The following NLGN1 variants were observed in gnomAD, a reference collection of about 807,000 sequenced individuals.
NLGN1 encodes neuroligin-1.
NLGN1 carries 12 observed loss-of-function variants against 65.5 expected under a neutral mutation model. The ratio of observed to expected loss-of-function variants is 0.18; its 90% CI spans 0.12 to 0.30. The LOEUF (loss-of-function observed/expected upper bound fraction) is 0.30, where lower values mean the gene tolerates loss of function less well. Among genes scored for constraint, NLGN1 ranks in the 10% least tolerant of loss-of-function variants. NLGN1 has a pLI of 1.00. For missense variants in NLGN1, 750 were observed against 1,007.1 expected, an observed-to-expected ratio of 0.74 and a Z score of 3.46; for synonymous variants, 350 against 359.5, an observed-to-expected ratio of 0.97 and a Z score of 0.30.
intron 2 of NLGN1, among the ~76,000 whole-genome samples, chr3:173,600,000 G>C (rs1244907946): frequency 2.6e-5 from 4 of 151,762 alleles, no homozygotes; most frequent in African/African-American, 9.7e-5. Flanking sequence ...GGGATCAATT[G>C]GGGGGCATTT....
chr3:173,930,608 A>T (rs1743917056), intron 4 of NLGN1, among the ~76,000 whole-genome samples: 2 of 152,340 alleles, frequency 1.3e-5, no homozygotes, highest in South Asian at 2.1e-4. Context: ...CTAAGAAAGA[A>T]GGATAGAGTT....
chr3:173,969,119 T>C (rs1289316809), intron 4 of NLGN1, among the ~76,000 whole-genome samples: 2 of 152,154 alleles, frequency 1.3e-5, no homozygotes, highest in Non-Finnish European at 2.9e-5. Flanking sequence ...TGTTTATTTT[T>C]ATATTTTACT....
At chr3:174,018,288 G>A (rs965988378) in intron 4 of NLGN1, among the ~76,000 whole-genome samples, 1 of 151,872 alleles carries the variant, frequency 6.6e-6, no homozygotes, top group Non-Finnish European at 1.5e-5. Flanking sequence ...TGCAGTTAAC[G>A]CAATCATCAC....
At chr3:173,991,207 G>A (rs1246203573) in intron 4 of NLGN1, among the ~76,000 whole-genome samples, 2 of 152,002 alleles carry the variant, frequency 1.3e-5, no homozygotes, top group African/African-American at 4.8e-5. Context: ...TGTGCCACCT[G>A]TTTACCCCTT....
intron 2 of NLGN1, among the ~76,000 whole-genome samples, chr3:173,533,334 C>G (rs1416384222): frequency 1.3e-5 from 2 of 152,152 alleles, no homozygotes; most frequent in Non-Finnish European, 2.9e-5. Context: ...CTTCAGAATT[C>G]TACAGAGATG....
At chr3:173,882,992 T>A (rs922608833) in intron 4 of NLGN1, among the ~76,000 whole-genome samples, 1 of 144,890 alleles carries the variant, frequency 6.9e-6, no homozygotes, top group African/African-American at 2.6e-5. Flanking sequence ...GATTTTAATA[T>A]TGCTGTTTCA....
intron 2 of NLGN1, among the ~76,000 whole-genome samples, chr3:173,541,467 T>C (rs1738849005): frequency 6.6e-6 from 1 of 152,146 alleles, no homozygotes; most frequent in African/African-American, 2.4e-5. Context: ...TTTCTTATTC[T>C]ATAAAATGGG....
chr3:173,909,361 A>T (rs1004673305), intron 4 of NLGN1, among the ~76,000 whole-genome samples: 1 of 152,144 alleles, frequency 6.6e-6, no homozygotes, highest in Non-Finnish European at 1.5e-5. Flanking sequence ...ATTCTTTATC[A>T]TAGGACTTTC....
At chr3:174,136,376 A>C (rs1463986090) in intron 4 of NLGN1, 1 of 152,166 alleles carries the variant, frequency 6.6e-6, no homozygotes, top group Non-Finnish European at 1.5e-5. Flanking sequence ...GATACGCTTC[A>C]GTATTATTAA....
At position 173,977,392 on chromosome 3, in the gene NLGN1, A is replaced by G. The variant is rs1034248408; in HGVS notation, c.646+169560A>G. Among the ~76,000 whole-genome samples the G allele has an allele frequency of 5.9e-5, 9 of 152,084 alleles. No individual in the cohort carries two copies. The South Asian group carries it at 1.9e-3, about 32-fold the overall frequency. Reference sequence around the variant, plus strand: ...AGGGATCATGGCGAAGGACAGACAAAAGACAAGTGTAATTGTAGGTAGAGT... The same window carrying G: ...AGGGATCATGGCGAAGGACAGACAAGAGACAAGTGTAATTGTAGGTAGAGT... On this transcript the variant is annotated intron_variant, in intron 4 of 6. Transcript: ENST00000457714.
At chr3:174,159,769 C>T (rs2152718159) in intron 4 of NLGN1, among the ~76,000 whole-genome samples, 1 of 151,846 alleles carries the variant, frequency 6.6e-6, no homozygotes, top group Middle Eastern at 3.4e-3. Flanking sequence ...CCTGCTATCC[C>T]TAACCTTTGA....
rs189139397 is a variant in NLGN1 at position 173,551,180 on chromosome 3, A to G, written c.-320-53099A>G. ...TAAGGTGAGGTGATTTGTCACAGAA[A>G]TTAGAGGAATCTTAGTGATAAATAG... is the stretch of plus-strand genomic sequence containing the variant. On this transcript the variant is annotated intron_variant, in intron 2 of 6. Transcript: ENST00000457714. 2.0e-3 allele frequency among the ~76,000 whole-genome samples: 312 copies of G among 152,314 alleles called. 1 individual carries two copies. Among genetic ancestry groups the G allele is most frequent in the African/African-American group, 7.2e-3 (301 of 41,580 alleles).
intron 2 of NLGN1, among the ~76,000 whole-genome samples, chr3:173,456,901 T>C (rs188164379): frequency 2.0e-5 from 3 of 152,168 alleles, no homozygotes; most frequent in Non-Finnish European, 4.4e-5. Flanking sequence ...TAGCTGCTCT[T>C]GCATATGGAT....
At chr3:174,079,652 A>T (rs1741730881) in intron 4 of NLGN1, among the ~76,000 whole-genome samples, 1 of 152,240 alleles carries the variant, frequency 6.6e-6, no homozygotes, top group Non-Finnish European at 1.5e-5. Flanking sequence ...CATCAATGGT[A>T]GTCTGGATTT....
At chr3:173,667,372 A>T (rs1190025500) in intron 3 of NLGN1, among the ~76,000 whole-genome samples, 16 of 152,200 alleles carry the variant, frequency 1.1e-4, no homozygotes, top group East Asian at 3.9e-4. Context: ...AACATTTTTT[A>T]AAAAAACTAA....
intron 4 of NLGN1, among the ~76,000 whole-genome samples, chr3:173,883,056 C>T (rs1384303942): frequency 2.0e-5 from 3 of 149,284 alleles, no homozygotes; most frequent in African/African-American, 7.5e-5. Context: ...CCTTCAAGAA[C>T]ATTTTCTTTG....
chr3:174,084,970 T>C (rs1323727162), intron 4 of NLGN1, among the ~76,000 whole-genome samples: 1 of 152,066 alleles, frequency 6.6e-6, no homozygotes, highest in Non-Finnish European at 1.5e-5. Flanking sequence ...AATTGCAAAT[T>C]ATCTTTGATT....
At chr3:173,858,201 C>T (rs1279531663) in intron 4 of NLGN1, among the ~76,000 whole-genome samples, 2 of 152,160 alleles carry the variant, frequency 1.3e-5, no homozygotes, top group Middle Eastern at 3.4e-3. Flanking sequence ...TTTCCAGCCT[C>T]TTTTCTTCCA....
chr3:173,774,624 G>A (rs1337585158), intron 3 of NLGN1, among the ~76,000 whole-genome samples: 2 of 152,106 alleles, frequency 1.3e-5, no homozygotes, highest in East Asian at 3.9e-4. Context: ...TTTTCTTGGT[G>A]TTGAATCTAC....
Sources: gnomAD v4.1 joint callset for allele counts (sites outside exome capture counted in the v4.1 genomes callset) on GRCh38, gnomAD v4.1.1 for gene constraint, MANE v1.5 for transcripts, NCBI Gene and HGNC (gene_info 2026-07-23, HGNC 2026-07-21) for gene names.